TPRG1: variants seen among roughly 807,000 people sequenced by gnomAD.
The protein encoded by TPRG1 is tumor protein p63-regulated gene 1 protein.
A neutral mutation model predicts 29.3 loss-of-function variants in TPRG1; 29 were observed. The observed-to-expected ratio is 0.99, with a 90% CI of 0.74 to 1.35. The LOEUF (loss-of-function observed/expected upper bound fraction) is 1.35. Ranked by LOEUF, TPRG1 falls within the 40% of genes most tolerant of loss-of-function variation. TPRG1 has a pLI of 0.00. For missense variants in TPRG1, 327 were observed against 335.0 expected (o/e 0.98, Z 0.19); for synonymous variants, 130 against 116.8 (o/e 1.11, Z -0.73).
At chr3:189,091,013 T>G (rs1432100320) in intron 4 of TPRG1, among the ~76,000 whole-genome samples, 1 of 152,174 alleles carries the variant, frequency 6.6e-6, no homozygotes, top group Non-Finnish European at 1.5e-5. Flanking sequence ...AAATTACATA[T>G]ATTTTCTATG....
intron 2 of TPRG1, among the ~76,000 whole-genome samples, chr3:189,129,020 TCTC>T (rs1451888775): frequency 2.0e-5 from 3 of 152,174 alleles, no homozygotes; most frequent in Non-Finnish European, 4.4e-5. Context: ...AGCAGCAACT[TCTC>T]CTAATGTTAA....
At chr3:189,075,944 G>A (rs1487532376) in intron 4 of TPRG1, among the ~76,000 whole-genome samples, 2 of 152,052 alleles carry the variant, frequency 1.3e-5, no homozygotes, top group African/African-American at 4.8e-5. Flanking sequence ...AGGCGCTCAG[G>A]TTCTTTGTTT....
At chr3:189,199,508 C>T (rs1383680538) in intron 1 of TPRG1, among the ~76,000 whole-genome samples, 5 of 152,070 alleles carry the variant, frequency 3.3e-5, no homozygotes, top group Non-Finnish European at 7.4e-5. Context: ...GATTGATGAC[C>T]GGGAAACCCA....
intron 2 of TPRG1, among the ~76,000 whole-genome samples, chr3:189,214,785 C>G (rs1735776296): frequency 6.6e-6 from 1 of 151,960 alleles, no homozygotes; most frequent in East Asian, 1.9e-4. Context: ...AATCTTTAAG[C>G]TAAGGTTGGG....
At chr3:189,296,801 T>C (rs1720004329) in intron 4 of TPRG1, among the ~76,000 whole-genome samples, 1 of 152,178 alleles carries the variant, frequency 6.6e-6, no homozygotes, top group South Asian at 2.1e-4. Flanking sequence ...ATGATAAAAG[T>C]GTTGTATCAC....
At position 189,260,389 on chromosome 3, in the gene TPRG1, A is replaced by C. The variant is rs562899219; in HGVS notation, c.479+21480A>C. On this transcript the variant is annotated intron_variant, in intron 4 of 5. Coordinates refer to ENST00000345063, the MANE Select transcript of TPRG1 (RefSeq NM_198485.4). ...CCCCTTGCTGAATCTCCTCTTGCTA[A>C]ATTTCTAAAATCTCTAATTTTTCTT... Among the ~76,000 whole-genome samples, 6 of 152,234 alleles carry C rather than the reference A, an allele frequency of 3.9e-5. No individual in the cohort carries two copies. In the South Asian group the frequency reaches 1.2e-3, roughly 32 times the overall value.
At chr3:189,213,273 C>T (rs577712549) in intron 2 of TPRG1, among the ~76,000 whole-genome samples, 2 of 152,174 alleles carry the variant, frequency 1.3e-5, no homozygotes, top group South Asian at 4.1e-4. Flanking sequence ...AACTGATGTA[C>T]GGAATGACAA....
chr3:189,034,656 A>G (rs1234462315), intron 4 of TPRG1, among the ~76,000 whole-genome samples: 2 of 152,204 alleles, frequency 1.3e-5, no homozygotes, highest in Non-Finnish European at 2.9e-5. Flanking sequence ...GTTGTAAACA[A>G]GAACATTTAG....
chr3:189,130,093 C>T (rs910561430), intron 2 of TPRG1, among the ~76,000 whole-genome samples: 1 of 152,172 alleles, frequency 6.6e-6, no homozygotes, highest in African/African-American at 2.4e-5. Flanking sequence ...GCACTCATGG[C>T]AAGCTCAGCT....
At chr3:189,294,795 C>T (rs1452280120) in intron 4 of TPRG1, among the ~76,000 whole-genome samples, 1 of 141,044 alleles carries the variant, frequency 7.1e-6, no homozygotes, top group Non-Finnish European at 1.5e-5. Context: ...TTACACAACC[C>T]TTACAGTTAC....
At chr3:189,293,427 C>T (rs1357649644) in intron 4 of TPRG1, among the ~76,000 whole-genome samples, 1 of 152,108 alleles carries the variant, frequency 6.6e-6, no homozygotes, top group Non-Finnish European at 1.5e-5. Context: ...GCTCTCTCAC[C>T]CCTGAAAAGG....
At chr3:189,316,846 C>A (rs548366887) in intron 5 of TPRG1, among the ~76,000 whole-genome samples, 2 of 152,142 alleles carry the variant, frequency 1.3e-5, no homozygotes, top group African/African-American at 2.4e-5. Flanking sequence ...GATGACACAG[C>A]GTTCCTGTCA....
At chr3:189,110,133 C>T (rs1185827088) in intron 1 of TPRG1, among the ~76,000 whole-genome samples, 1 of 152,160 alleles carries the variant, frequency 6.6e-6, no homozygotes, top group African/African-American at 2.4e-5. Flanking sequence ...GTAGAAACTA[C>T]AAGTGGGATT....
At chr3:189,065,967 T>C (rs998983166) in intron 4 of TPRG1, among the ~76,000 whole-genome samples, 1 of 152,102 alleles carries the variant, frequency 6.6e-6, no homozygotes, top group Non-Finnish European at 1.5e-5. Context: ...TTGCAGGATA[T>C]AAGATTAAAA....
chr3:189,228,318 A>C (rs2108892890), intron 3 of TPRG1, among the ~76,000 whole-genome samples: 1 of 152,298 alleles, frequency 6.6e-6, no homozygotes, highest in African/African-American at 2.4e-5. Flanking sequence ...AGACAGTACA[A>C]AAATAGAACT....
At chr3:189,031,290 TAA>T (rs879452395) in intron 4 of TPRG1, among the ~76,000 whole-genome samples, 1 of 29,212 alleles carries the variant, frequency 3.4e-5, no homozygotes, top group Non-Finnish European at 3.0e-4. Flanking sequence ...GACTCTGTCT[TAA>T]AAAAAAAAAA....
At chr3:189,311,359 C>G (rs1722457869) in intron 5 of TPRG1, among the ~76,000 whole-genome samples, 1 of 152,046 alleles carries the variant, frequency 6.6e-6, no homozygotes, top group African/African-American at 2.4e-5. Flanking sequence ...TATTACAATT[C>G]TTTATTTGCT....
chr3:189,211,106 A>C (rs911384615), intron 2 of TPRG1, among the ~76,000 whole-genome samples: 1 of 152,188 alleles, frequency 6.6e-6, no homozygotes, highest in African/African-American at 2.4e-5. Context: ...TCTTTTACTT[A>C]TATATACACA....
At chr3:189,061,264 C>T (rs1716086396) in intron 4 of TPRG1, among the ~76,000 whole-genome samples, 1 of 151,888 alleles carries the variant, frequency 6.6e-6, no homozygotes, top group South Asian at 2.1e-4. Context: ...TGAAGCTGGA[C>T]TCCTTCCACC....
Sources: allele counts gnomAD v4.1 joint callset (sites outside exome capture counted in the v4.1 genomes callset), GRCh38; gene constraint gnomAD v4.1.1; transcripts MANE v1.5; gene names NCBI Gene and HGNC (gene_info 2026-07-23, HGNC 2026-07-21).